The following AGAP1 variants were observed in gnomAD, a reference collection of about 807,000 sequenced individuals.
The protein encoded by AGAP1 is ArfGAP with GTPase domain, ankyrin repeat and PH domain 1.
In AGAP1, 29 loss-of-function variants were observed where a neutral mutation model predicts 105.3. The ratio of observed to expected loss-of-function variants is 0.28; its 90% CI spans 0.21 to 0.38. The LOEUF (loss-of-function observed/expected upper bound fraction) is 0.38. Ranked by LOEUF, AGAP1 falls within the 10% of genes least tolerant of loss-of-function variation. The pLI is 1.00. For synonymous variants in AGAP1, 509 were observed against 485.9 expected, an observed-to-expected ratio of 1.05 and a Z score of -0.63; for missense variants, 998 against 1,165.1, an observed-to-expected ratio of 0.86 and a Z score of 2.09.
In AGAP1 at chr2:235,905,386, G is replaced by A. The variant is rs1157125478; in HGVS notation, c.1156-3352G>A. 6.6e-6 allele frequency among the ~76,000 whole-genome samples: 1 copy of A among 152,204 alleles called. No individual in the cohort carries two copies. The highest frequency in any genetic ancestry group is 2.4e-5 in the African/African-American group (1 of 41,458). ...CATTAACTTTGGTTTGGAAAGTTGG[G>A]TTTGCATATTTTCAGTGGATATTAA... On this transcript the variant is annotated intron_variant, in intron 10 of 17. Transcript: ENST00000304032. This position sits in a 1 kb window ranked among gnomAD's most constrained non-coding sequence, Gnocchi z 4.2.
At position 235,686,059 on chromosome 2, in the gene AGAP1, G is replaced by C. The variant is rs1949365546; in HGVS notation, c.164-23120G>C. 2.0e-5 allele frequency among the ~76,000 whole-genome samples: 3 copies of C among 152,276 alleles called. No individual in the cohort carries two copies. The Middle Eastern group carries it at 0.01, about 518-fold the overall frequency. ...TGACTTTGAATAGAGTGGGAGGCAG[G>C]TTTGTCCTGAGCATTTTCCAGCTTG... On this transcript the variant is annotated intron_variant, in intron 1 of 17. Transcript: ENST00000304032.
In AGAP1 at chr2:235,866,982, T is replaced by A. The variant is rs2049200440; in HGVS notation, c.1051-16363T>A. On this transcript the variant is annotated intron_variant, in intron 9 of 17. Transcript: ENST00000304032. This position sits in a 1 kb window ranked among gnomAD's most constrained non-coding sequence, Gnocchi z 6.1. The stretch of plus-strand genomic sequence containing the variant: ...GGATCTCAATATCTGAATTAGGGAG[T>A]GGAGCACAATGCAGCCCATAATAGT... 6.6e-6 allele frequency among the ~76,000 whole-genome samples: 1 copy of A among 151,998 alleles called. No individual in the cohort carries two copies. The highest frequency in any genetic ancestry group is 6.6e-5 in the Admixed American group (1 of 15,256).
At chr2:235,685,544 T>C (rs1031785932) in intron 1 of AGAP1, among the ~76,000 whole-genome samples, 3 of 151,420 alleles carry the variant, frequency 2.0e-5, no homozygotes, top group Non-Finnish European at 4.4e-5. Flanking sequence ...ACAAATGCTA[T>C]GAAGACCAGA....
chr2:235,706,480 G>T (rs371356392), intron 1 of AGAP1, among the ~76,000 whole-genome samples: 1 of 151,826 alleles, frequency 6.6e-6, no homozygotes, highest in African/African-American at 2.4e-5. Flanking sequence ...CGCCCGCCTC[G>T]GCCTCCCAAA....
chr2:235,880,409 C>A (rs1020982503), intron 9 of AGAP1, among the ~76,000 whole-genome samples: 1 of 152,102 alleles, frequency 6.6e-6, no homozygotes, highest in East Asian at 1.9e-4. Context: ...CCTGGTGACA[C>A]CAGAGACCGT....
At chr2:235,805,229 C>T (rs989666674) in intron 8 of AGAP1, among the ~76,000 whole-genome samples, 3 of 151,990 alleles carry the variant, frequency 2.0e-5, no homozygotes, top group African/African-American at 4.8e-5. Flanking sequence ...GAAGTCTTAC[C>T]GAAGTTTCAG....
intron 1 of AGAP1, among the ~76,000 whole-genome samples, chr2:235,636,004 T>C (rs1575011182): frequency 6.6e-6 from 1 of 151,874 alleles, no homozygotes; most frequent in Non-Finnish European, 1.5e-5. Context: ...TCCCAGCTAC[T>C]TGGGAGGCTG....
chr2:235,682,972 C>T (rs1319573098), intron 1 of AGAP1, among the ~76,000 whole-genome samples: 1 of 152,114 alleles, frequency 6.6e-6, no homozygotes, highest in Non-Finnish European at 1.5e-5. Context: ...TATGGGAAAT[C>T]TTATTCTCCT....
At chr2:235,745,399 C>T (rs984545494) in intron 5 of AGAP1, among the ~76,000 whole-genome samples, 4 of 152,146 alleles carry the variant, frequency 2.6e-5, no homozygotes, top group South Asian at 4.1e-4. Context: ...AGGGTCACTT[C>T]GAACTTGGTC....
chr2:236,066,665 A>C (rs756473990), intron 16 of AGAP1, among the ~76,000 whole-genome samples: 46 of 152,340 alleles, frequency 3.0e-4, no homozygotes, highest in Non-Finnish European at 5.0e-4. Context: ...TAGCTTTTTA[A>C]AAAATTTATA....
intron 9 of AGAP1, among the ~76,000 whole-genome samples, chr2:235,809,575 AT>A (rs1958021287): frequency 6.6e-6 from 1 of 152,132 alleles, no homozygotes; most frequent in Admixed American, 6.5e-5. Flanking sequence ...TCCACAGAGA[AT>A]TTTTAAATGT....
rs1229312094 is a variant in AGAP1, at chr2:235,973,703, G to A, written c.1645+5080G>A. Among the ~76,000 whole-genome samples, 1 of 152,218 alleles carries A rather than the reference G, an allele frequency of 6.6e-6. No homozygotes were observed. Among genetic ancestry groups the A allele is most frequent in the Non-Finnish European group, 1.5e-5 (1 of 68,044 alleles). ...CCTGATGGGTGGAAGCCTCAAGGAG[G>A]TGGATTTTGATTCTGATATTAAAAG... On this transcript the variant is annotated intron_variant, in intron 13 of 17. Transcript: ENST00000304032. The surrounding 1 kb of genome is among the most constrained non-coding windows in gnomAD (Gnocchi z 4.7).
chr2:235,835,436 G>A (rs1226423160), intron 9 of AGAP1, among the ~76,000 whole-genome samples: 1 of 152,170 alleles, frequency 6.6e-6, no homozygotes, highest in Non-Finnish European at 1.5e-5. Context: ...CTTCATCTAC[G>A]TCTGTGTTTT....
chr2:236,099,035 C>T (rs1440638361), intron 16 of AGAP1, among the ~76,000 whole-genome samples: 3 of 152,060 alleles, frequency 2.0e-5, no homozygotes, highest in African/African-American at 7.2e-5. Flanking sequence ...ACTAGCCCCA[C>T]CTCCCCAGCG....
rs527934564 is a variant in AGAP1, at chr2:235,961,506, G to A, written c.1484-6956G>A. 8.5e-5 allele frequency among the ~76,000 whole-genome samples: 13 copies of A among 152,328 alleles called. No individual in the cohort carries two copies. The highest frequency in any genetic ancestry group is 2.2e-4 in the African/African-American group (9 of 41,576). On this transcript the variant is annotated intron_variant, in intron 12 of 17. Coordinates refer to ENST00000304032, the MANE Select transcript of AGAP1 (RefSeq NM_001037131.3). This position sits in a 1 kb window ranked among gnomAD's most constrained non-coding sequence, Gnocchi z 5.9. Reference sequence around the variant, plus strand: ...GAGCGGGACTGGAGTGAGGCCAGCCGTGGACAGCAGTGCAGAGGGACAGGC... The same window carrying A: ...GAGCGGGACTGGAGTGAGGCCAGCCATGGACAGCAGTGCAGAGGGACAGGC...
At position 236,129,879 on chromosome 2, in the gene AGAP1, G is replaced by A. The variant is rs1389419570; in HGVS notation, c.*5757G>A. 6.6e-6 allele frequency: 1 copy of A among 152,264 alleles called. No individual in the cohort carries two copies. The highest frequency in any genetic ancestry group is 2.4e-5 in the African/African-American group (1 of 41,466). The allele number at this position is 152,264 out of a possible 1,614,324, so 9.4% of individuals were successfully genotyped here. On this transcript the variant is annotated 3_prime_UTR_variant, in exon 18 of 18. Coordinates refer to ENST00000304032, the MANE Select transcript of AGAP1 (RefSeq NM_001037131.3). The surrounding 1 kb of genome is among the most constrained non-coding windows in gnomAD (Gnocchi z 6.2). ...AGTAAACACCCACCCCAGAGCAGCG[G>A]TAAGCAAACCTAAATCTGAAAACCC...
intron 13 of AGAP1, among the ~76,000 whole-genome samples, chr2:236,004,951 C>T (rs1364696159): frequency 3.3e-5 from 5 of 152,090 alleles, no homozygotes; most frequent in African/African-American, 4.8e-5. Flanking sequence ...TCTATGGAAA[C>T]AACTGAAATG....
chr2:235,737,712 C>T lies in AGAP1; in HGVS notation c.311-3251C>T, dbSNP rs573008229. On this transcript the variant is annotated intron_variant, in intron 3 of 17. Transcript: ENST00000304032. The surrounding 1 kb of genome is among the most constrained non-coding windows in gnomAD (Gnocchi z 4.5). ...CTGCCAGGGCGTCACGGTCATTCCA[C>T]GAGAGCTGGGTGGTGACGCTCCCCA... 3.3e-5 allele frequency among the ~76,000 whole-genome samples: 5 copies of T among 152,234 alleles called. No homozygotes were observed. The highest frequency in any genetic ancestry group is 4.8e-5 in the African/African-American group (2 of 41,544).
At chr2:235,626,400 A>C (rs1946638548) in intron 1 of AGAP1, among the ~76,000 whole-genome samples, 1 of 152,180 alleles carries the variant, frequency 6.6e-6, no homozygotes, top group African/African-American at 2.4e-5. Flanking sequence ...CTCCCTCATA[A>C]GCTTGCTTGT....
Sources: gnomAD v4.1 joint callset for allele counts (sites outside exome capture counted in the v4.1 genomes callset) on GRCh38, gnomAD v4.1.1 for gene constraint, Gnocchi (gnomAD v3.1) non-coding constraint, MANE v1.5 for transcripts, NCBI Gene and HGNC (gene_info 2026-07-23, HGNC 2026-07-21) for gene names.